Variants in KALRN observed in about 807,000 individuals in gnomAD.
KALRN encodes the protein kalirin.
KALRN carries 70 observed loss-of-function variants against 353.7 expected under a neutral mutation model. That is an observed-to-expected ratio of 0.20 (90% CI 0.16 to 0.24). The LOEUF (loss-of-function observed/expected upper bound fraction) is 0.24, where lower values mean the gene tolerates loss of function less well. Among genes scored for constraint, KALRN ranks in the 10% least tolerant of loss-of-function variants. The pLI is 1.00. For synonymous variants in KALRN, 1,391 were observed against 1,434.8 expected, an observed-to-expected ratio of 0.97 and a Z score of 0.69; for missense variants, 2,791 against 3,756.7, an observed-to-expected ratio of 0.74 and a Z score of 6.72.
intron 1 of KALRN, among the ~76,000 whole-genome samples, chr3:124,034,738 C>T (rs2039252870): frequency 6.6e-6 from 1 of 152,080 alleles, no homozygotes; most frequent in Admixed American, 6.5e-5. Context: ...GTGGCTTCCA[C>T]CAGCTTCTGT....
intron 1 of KALRN, among the ~76,000 whole-genome samples, chr3:124,102,015 C>G (rs2061909444): frequency 6.6e-6 from 1 of 152,118 alleles, no homozygotes; most frequent in South Asian, 2.1e-4. Flanking sequence ...AAGCACGCAG[C>G]ATGTGTATGA....
chr3:124,403,933 T>C (rs1237334472), intron 13 of KALRN, among the ~76,000 whole-genome samples: 4 of 152,098 alleles, frequency 2.6e-5, no homozygotes, highest in East Asian at 1.9e-4. Context: ...AGGATGTTCA[T>C]AGAGGGTTTC....
intron 5 of KALRN, among the ~76,000 whole-genome samples, chr3:124,287,770 G>T (rs1043384014): frequency 3.5e-5 from 4 of 114,602 alleles, no homozygotes; most frequent in African/African-American, 1.5e-4. Flanking sequence ...GGCCTAGGAA[G>T]ATATATATAT....
chr3:124,155,308 A>G (rs190126996), intron 1 of KALRN, among the ~76,000 whole-genome samples: 16 of 152,274 alleles, frequency 1.1e-4, no homozygotes, highest in Middle Eastern at 6.8e-3. Context: ...TTTTGTCATC[A>G]GTAGACTTGA....
At chr3:124,685,943 A>C (rs1578945133) in intron 51 of KALRN, among the ~76,000 whole-genome samples, 5 of 146,708 alleles carry the variant, frequency 3.4e-5, no homozygotes, top group African/African-American at 1.0e-4. Flanking sequence ...CCCCAACCCC[A>C]CCCCCATGCT....
intron 27 of KALRN, among the ~76,000 whole-genome samples, chr3:124,481,012 T>C (rs1357407177): frequency 6.6e-6 from 1 of 152,216 alleles, no homozygotes; most frequent in African/African-American, 2.4e-5. Context: ...CTCTTGAGTA[T>C]ATACCTAGAA....
At chr3:124,717,952 C>T (rs1210434063) in intron 59 of KALRN, among the ~76,000 whole-genome samples, 1 of 151,556 alleles carries the variant, frequency 6.6e-6, no homozygotes, top group African/African-American at 2.4e-5. Flanking sequence ...GCTGGGATTA[C>T]AGGCGCTCAC....
chr3:124,534,826 C>T (rs1434769683), intron 33 of KALRN, among the ~76,000 whole-genome samples: 1 of 152,020 alleles, frequency 6.6e-6, no homozygotes, highest in Non-Finnish European at 1.5e-5. Flanking sequence ...CAATAATTTT[C>T]AAGACACTGG....
At chr3:124,243,201 T>C (rs1413964088) in intron 3 of KALRN, among the ~76,000 whole-genome samples, 1 of 152,196 alleles carries the variant, frequency 6.6e-6, no homozygotes, top group African/African-American at 2.4e-5. Context: ...GCTCCTTCAT[T>C]TCCATGGCCA....
intron 33 of KALRN, among the ~76,000 whole-genome samples, chr3:124,521,655 T>C (rs2067172188): frequency 6.6e-6 from 1 of 152,124 alleles, no homozygotes; most frequent in Non-Finnish European, 1.5e-5. Context: ...TTTGAAATGA[T>C]AATTAAAGAG....
chr3:124,483,011 A>T, intron 28 of KALRN, 111 bp downstream of exon 28: 1 of 760,356 alleles, frequency 1.3e-6, no homozygotes. Flanking sequence ...CCTTTCTTCT[A>T]CCTAGGGCAG....
At chr3:124,038,271 C>T (rs1250483246) in intron 1 of KALRN, among the ~76,000 whole-genome samples, 1 of 152,020 alleles carries the variant, frequency 6.6e-6, no homozygotes, top group Admixed American at 6.6e-5. Context: ...ACCCTGTGCA[C>T]TCCAGGAGCA....
At chr3:124,208,474 G>A (rs1014931132) in intron 1 of KALRN, among the ~76,000 whole-genome samples, 1 of 152,148 alleles carries the variant, frequency 6.6e-6, no homozygotes, top group African/African-American at 2.4e-5. Context: ...GTTAAAGGAA[G>A]GGCAGATAGC....
chr3:124,527,338 G>A (rs1408257339), intron 33 of KALRN, among the ~76,000 whole-genome samples: 1 of 152,144 alleles, frequency 6.6e-6, no homozygotes, highest in Non-Finnish European at 1.5e-5. Context: ...GGCTGGGCAT[G>A]GTGGCTCACA....
chr3:124,409,372 C>A (rs2091926129), intron 13 of KALRN, among the ~76,000 whole-genome samples: 1 of 152,204 alleles, frequency 6.6e-6, no homozygotes, highest in South Asian at 2.1e-4. Context: ...CTTTTCTTTT[C>A]AGTCTTGTCT....
At chr3:124,473,293 A>G (rs1483630046) in intron 25 of KALRN, among the ~76,000 whole-genome samples, 1 of 152,232 alleles carries the variant, frequency 6.6e-6, no homozygotes, top group Non-Finnish European at 1.5e-5. Flanking sequence ...TAAGTAGTAG[A>G]GTAATGCAGA....
At chr3:124,160,253 C>G (rs1368279513) in intron 1 of KALRN, among the ~76,000 whole-genome samples, 1 of 151,614 alleles carries the variant, frequency 6.6e-6, no homozygotes, top group Non-Finnish European at 1.5e-5. Context: ...ATGGAGGGGC[C>G]CATCAAGCAC....
At chr3:124,390,942 C>T (rs951383778) in intron 11 of KALRN, among the ~76,000 whole-genome samples, 1 of 151,980 alleles carries the variant, frequency 6.6e-6, no homozygotes, top group Non-Finnish European at 1.5e-5. Context: ...GTGGGCTGGC[C>T]CTAGCTGAAC....
intron 37 of KALRN, among the ~76,000 whole-genome samples, chr3:124,644,114 A>C (rs180792522): frequency 1.3e-5 from 2 of 152,134 alleles, no homozygotes; most frequent in African/African-American, 4.8e-5. Context: ...TTTGACCTAC[A>C]TGTCCCGGTT....
Sources: allele counts gnomAD v4.1 joint callset (sites outside exome capture counted in the v4.1 genomes callset), GRCh38; gene constraint gnomAD v4.1.1; transcripts MANE v1.5; gene names NCBI Gene and HGNC (gene_info 2026-07-23, HGNC 2026-07-21).